CDC123: variants seen among roughly 807,000 people sequenced by gnomAD.
CDC123 encodes the protein cell division cycle 123.
CDC123 carries 37 observed loss-of-function variants against 54.4 expected under a neutral mutation model. That is an observed-to-expected ratio of 0.68 (90% CI 0.52 to 0.89). The LOEUF is 0.89. Ranked by LOEUF, CDC123 falls within the 40% of genes least tolerant of loss-of-function variation. CDC123 has a pLI of 0.00. For missense variants in CDC123, 361 were observed against 412.1 expected (o/e 0.88, Z 1.07); for synonymous variants, 144 against 136.8 (o/e 1.05, Z -0.37).
intron 1 of CDC123, among the ~76,000 whole-genome samples, chr10:12,197,601 T>C (rs1485338452): frequency 3.3e-5 from 5 of 151,638 alleles, no homozygotes; most frequent in Non-Finnish European, 5.9e-5. Flanking sequence ...ATGGTCTCGA[T>C]TGCCTGACCT....
chr10:12,205,417 A>G, intron 2 of CDC123, among the ~76,000 whole-genome samples: 1 of 152,224 alleles, frequency 6.6e-6, no homozygotes, highest in East Asian at 1.9e-4. Flanking sequence ...CATCCCTAAG[A>G]TATCTCATAT....
intron 4 of CDC123, among the ~76,000 whole-genome samples, chr10:12,215,308 A>C (rs1213010027): frequency 6.6e-6 from 1 of 152,198 alleles, no homozygotes; most frequent in African/African-American, 2.4e-5. Flanking sequence ...CCATATGGCT[A>C]AGACTCTTCC....
At chr10:12,220,172 A>C (rs1366128697) in intron 6 of CDC123, among the ~76,000 whole-genome samples, 1 of 152,142 alleles carries the variant, frequency 6.6e-6, no homozygotes, top group African/African-American at 2.4e-5. Flanking sequence ...AGTTGCAGTG[A>C]GTGTGGGAAG....
rs1294286865 is a variant in CDC123 at position 12,198,702 on chromosome 10, T to C, written c.75-3T>C. The C allele has an allele frequency of 1.9e-6, 3 of 1,548,638 alleles. No individual in the cohort carries two copies. The African/African-American group carries it at 4.1e-5, about 21-fold the overall frequency. On this transcript the variant is annotated splice_polypyrimidine_tract_variant and splice_region_variant and intron_variant, in intron 1 of 12. Transcript: ENST00000281141. ...GATGCCTTTTTTGGTGTTTTTTTTT[T>C]AGTGTCATTCTTCCACTTCCTCAGA...
intron 10 of CDC123, 115 bp from the exon 11 acceptor site, chr10:12,246,034 C>T: frequency 9.0e-7 from 1 of 1,107,704 alleles, no homozygotes; most frequent in East Asian, 2.4e-5. Flanking sequence ...CACACCAGTG[C>T]ACTGCAGCCT....
At chr10:12,202,075 T>C (rs1835447362) in intron 2 of CDC123, among the ~76,000 whole-genome samples, 1 of 152,144 alleles carries the variant, frequency 6.6e-6, no homozygotes, top group Admixed American at 6.5e-5. Flanking sequence ...AGTTAGTGAT[T>C]TTAGGTTAGG....
intron 2 of CDC123, 77 bp from the exon 3 acceptor site, chr10:12,209,890 T>C (rs1588671690): frequency 4.3e-6 from 6 of 1,381,260 alleles, no homozygotes; most frequent in Non-Finnish European, 5.2e-6. Flanking sequence ...TAAAAACATA[T>C]ACTCAGTACC....
At chr10:12,202,416 A>T (rs911103345) in intron 2 of CDC123, among the ~76,000 whole-genome samples, 1 of 152,258 alleles carries the variant, frequency 6.6e-6, no homozygotes, top group Non-Finnish European at 1.5e-5. Context: ...GACCTCTGTG[A>T]CCACATGTGT....
At chr10:12,200,145 A>ATTTTTTTTTTTTTTTTTG (rs1835422240) in intron 2 of CDC123, among the ~76,000 whole-genome samples, 1 of 6,234 alleles carries the variant, frequency 1.6e-4, no homozygotes, top group Non-Finnish European at 3.8e-4. Flanking sequence ...TTTTTTTTTA[A>ATTTTTTTTTTTTTTTTTG]AGATGGAGTC....
intron 6 of CDC123, among the ~76,000 whole-genome samples, chr10:12,225,746 C>CTTTTTT (rs60404885): frequency 2.1e-4 from 14 of 66,956 alleles, no homozygotes; most frequent in South Asian, 8.9e-4. Context: ...TAGCTTCTCT[C>CTTTTTT]TTTTTTTTTT....
intron 9 of CDC123, 197 bp downstream of exon 9, chr10:12,237,463 C>T: frequency 2.8e-6 from 1 of 354,124 alleles, no homozygotes; most frequent in African/African-American, 2.2e-5. Context: ...TGGAGACAGT[C>T]TTACTCTGTC....
At chr10:12,207,794 C>T (rs1431901539) in intron 2 of CDC123, among the ~76,000 whole-genome samples, 1 of 152,154 alleles carries the variant, frequency 6.6e-6, no homozygotes, top group East Asian at 1.9e-4. Context: ...CAGCATTTCA[C>T]CCCCATATTC....
chr10:12,229,690 C>T (rs1009073675), intron 6 of CDC123, among the ~76,000 whole-genome samples: 1 of 152,218 alleles, frequency 6.6e-6, no homozygotes, highest in African/African-American at 2.4e-5. Context: ...ACAAAGGAGT[C>T]TTCATCATTT....
chr10:12,210,949 G>T (rs979056967), intron 4 of CDC123, among the ~76,000 whole-genome samples: 3 of 152,036 alleles, frequency 2.0e-5, no homozygotes, highest in Non-Finnish European at 2.9e-5. Context: ...GATAACACCC[G>T]CCTCGGCCTC....
intron 12 of CDC123, 122 bp from the exon 13 acceptor site, chr10:12,250,189 A>T (rs1008266773): frequency 1.0e-5 from 6 of 582,120 alleles, no homozygotes; most frequent in Non-Finnish European, 1.2e-5. Context: ...GAATTAAAGC[A>T]TGGTTTTCCA....
intron 6 of CDC123, among the ~76,000 whole-genome samples, chr10:12,225,462 TG>T (rs1203827745): frequency 6.6e-6 from 1 of 152,196 alleles, no homozygotes; most frequent in African/African-American, 2.4e-5. Context: ...CACTTTGGAT[TG>T]GAATCTCTGG....
At chr10:12,250,192 G>GTT in intron 12 of CDC123, 119 bp from the exon 13 acceptor site, 1 of 594,368 alleles carries the variant, frequency 1.7e-6, no homozygotes, top group East Asian at 3.0e-5. Context: ...TTAAAGCATG[G>GTT]TTTTCCATGA....
At chr10:12,212,851 A>G (rs1835620910) in intron 4 of CDC123, among the ~76,000 whole-genome samples, 2 of 152,362 alleles carry the variant, frequency 1.3e-5, no homozygotes, top group South Asian at 4.1e-4. Flanking sequence ...CATTATGTAT[A>G]TGCAAATATT....
chr10:12,210,007 G>A lies in CDC123; in HGVS notation c.187G>A (p.Glu63Lys), dbSNP rs150662961. Residue 63 changes from glutamate (E) to lysine (K), a missense_variant, in exon 3 of 13, where the codon GAA becomes AAA. Glu to Lys is a moderately conservative substitution (Grantham distance 56). Transcript: ENST00000281141. Reference sequence around the variant, plus strand: ...ACATTCTCAGCCAGACAGTGATGATGAAGCAGAAGAAATACAGGTTGGTAC... The same window carrying A: ...ACATTCTCAGCCAGACAGTGATGATAAAGCAGAAGAAATACAGGTTGGTAC... The part of the protein sequence containing the change: ...PTHSQPDSDD[E>K]AEEIQWSDDE... 1 of 1,614,030 alleles carries A rather than the reference G, an allele frequency of 6.2e-7. No individual in the cohort carries two copies. Among genetic ancestry groups the A allele is most frequent in the Non-Finnish European group, 8.5e-7 (1 of 1,180,000 alleles).
Sources: gnomAD v4.1 joint callset for allele counts (sites outside exome capture counted in the v4.1 genomes callset) on GRCh38, gnomAD v4.1.1 for gene constraint, MANE v1.5 for transcripts, NCBI Gene and HGNC (gene_info 2026-07-23, HGNC 2026-07-21) for gene names.